Variants in CUX1 observed in about 807,000 individuals in gnomAD.
CUX1 encodes the protein protein CASP.
A neutral mutation model predicts 158.8 loss-of-function variants in CUX1; 31 were observed. The observed-to-expected ratio is 0.20, with a 90% confidence interval of 0.15 to 0.26. The LOEUF is 0.26. Ranked by LOEUF, CUX1 falls within the 10% of genes least tolerant of loss-of-function variation. CUX1 has a pLI of 1.00. For synonymous variants in CUX1, 879 were observed against 862.1 expected (o/e 1.02, Z -0.34); for missense variants, 1,589 against 2,014.6 (o/e 0.79, Z 4.04).
At chr7:102,092,956 G>A (rs1372169002) in intron 4 of CUX1, among the ~76,000 whole-genome samples, 1 of 148,770 alleles carries the variant, frequency 6.7e-6, no homozygotes, top group Non-Finnish European at 1.5e-5. Flanking sequence ...GAAAAAAAGA[G>A]CTCCTTTTCC....
chr7:102,222,005 T>A (rs1395420699), intron 20 of CUX1, among the ~76,000 whole-genome samples: 2 of 152,052 alleles, frequency 1.3e-5, no homozygotes, highest in African/African-American at 4.8e-5. Flanking sequence ...ATGCCTGTAA[T>A]CCCAGCACTT....
At chr7:102,218,997 G>A (rs1797524514) in intron 20 of CUX1, among the ~76,000 whole-genome samples, 1 of 149,850 alleles carries the variant, frequency 6.7e-6, no homozygotes, top group South Asian at 2.1e-4. Flanking sequence ...AGGCTGCAGT[G>A]AGCCAAGATT....
chr7:102,188,204 T>TA (rs35225944), intron 11 of CUX1, among the ~76,000 whole-genome samples: 45,067 of 147,158 alleles, frequency 0.31, 6,934 homozygotes, highest in Middle Eastern at 0.37. Flanking sequence ...GTCTCTTTTT[T>TA]AAAAAAAAAA....
At chr7:102,140,945 C>T (rs1243078048) in intron 8 of CUX1, among the ~76,000 whole-genome samples, 2 of 151,850 alleles carry the variant, frequency 1.3e-5, no homozygotes, top group African/African-American at 4.8e-5. Flanking sequence ...TGCAATTAAC[C>T]TTTCTATTTT....
intron 3 of CUX1, among the ~76,000 whole-genome samples, chr7:102,033,400 C>G (rs1314430276): frequency 6.6e-6 from 1 of 151,704 alleles, no homozygotes; most frequent in Non-Finnish European, 1.5e-5. Flanking sequence ...AAACAAAGAG[C>G]CAGGAGAGAA....
At chr7:102,047,401 A>T in intron 3 of CUX1, among the ~76,000 whole-genome samples, 1 of 150,130 alleles carries the variant, frequency 6.7e-6, no homozygotes, top group South Asian at 2.1e-4. Flanking sequence ...GGATGGATAG[A>T]TGATTGGATA....
At chr7:102,197,409 T>C in intron 15 of CUX1, 104 bp downstream of exon 15, 2 of 1,339,848 alleles carry the variant, frequency 1.5e-6, no homozygotes, top group Non-Finnish European at 1.0e-6. Context: ...GAAACATTTG[T>C]GCATCACATC....
At chr7:101,958,948 T>C (rs1194633357) in intron 2 of CUX1, among the ~76,000 whole-genome samples, 1 of 140,738 alleles carries the variant, frequency 7.1e-6, no homozygotes, top group East Asian at 2.3e-4. Flanking sequence ...TCGACCTCCC[T>C]GGCTTAAGCA....
chr7:101,972,436 C>T (rs1414796698), intron 2 of CUX1, among the ~76,000 whole-genome samples: 2 of 152,184 alleles, frequency 1.3e-5, no homozygotes, highest in African/African-American at 4.8e-5. Context: ...CTTGCCTCCT[C>T]GGACGGCATC....
intron 2 of CUX1, among the ~76,000 whole-genome samples, chr7:102,006,932 A>C (rs886821576): frequency 2.6e-5 from 4 of 152,246 alleles, no homozygotes; most frequent in African/African-American, 9.6e-5. Flanking sequence ...TGCTTCTTAG[A>C]TTTCCCACAC....
intron 3 of CUX1, among the ~76,000 whole-genome samples, chr7:102,032,501 T>C (rs549227864): frequency 2.6e-5 from 4 of 151,888 alleles, no homozygotes; most frequent in Admixed American, 6.6e-5. Flanking sequence ...CCCCGTCTAA[T>C]AGACTAAACA....
chr7:102,159,917 A>G (rs1343894272), intron 9 of CUX1, among the ~76,000 whole-genome samples: 5 of 152,026 alleles, frequency 3.3e-5, no homozygotes, highest in Middle Eastern at 6.8e-3. Flanking sequence ...GTAGTGGCTC[A>G]CGCCTGTAAT....
rs1752341933 is a variant in CUX1, at chr7:102,256,959, C to T, written c.*7917C>T. The T allele has an allele frequency of 3.0e-6, 3 of 985,290 alleles. No individual in the cohort carries two copies. The highest frequency in any genetic ancestry group is 1.2e-6 in the Non-Finnish European group (1 of 829,952). The allele number at this position is 985,290 out of a possible 1,614,324, so 61.0% of individuals were successfully genotyped here. A position where few individuals can be genotyped will look rare whatever the true frequency, so the allele number is the denominator to read the frequency against. On this transcript the variant is annotated 3_prime_UTR_variant, in exon 24 of 24. Coordinates refer to ENST00000292535, the MANE Select transcript of CUX1 (RefSeq NM_181552.4). ...TACCAGGCTGTGGCTTGAGGGCTCACCTAGGAGATCATAGGCAGAGGGCCC... is the reference window on the plus strand; with the variant it reads ...TACCAGGCTGTGGCTTGAGGGCTCATCTAGGAGATCATAGGCAGAGGGCCC...
chr7:102,227,687 C>A lies in CUX1; in HGVS notation c.3433+18C>A. 6.3e-7 allele frequency: 1 copy of A among 1,596,126 alleles called. No homozygotes were observed. Among genetic ancestry groups the A allele is most frequent in the South Asian group, 1.1e-5 (1 of 89,174 alleles). ...CAACCTCGGTAGGTTCTCCTCTCGG[C>A]TGCTGAGTCAGGAGGTGGCAGGGAG... is the stretch of plus-strand genomic sequence containing the variant. On this transcript the variant is annotated intron_variant, in intron 21 of 23. Coordinates refer to ENST00000292535, the MANE Select transcript of CUX1 (RefSeq NM_181552.4).
At chr7:101,949,535 C>CT (rs1040153555) in intron 2 of CUX1, among the ~76,000 whole-genome samples, 17 of 138,272 alleles carry the variant, frequency 1.2e-4, no homozygotes, top group African/African-American at 3.5e-4. Flanking sequence ...CTTTTTCTTC[C>CT]TTTTTTTTTC....
intron 8 of CUX1, among the ~76,000 whole-genome samples, chr7:102,142,252 G>T (rs1554500570): frequency 1.3e-5 from 2 of 152,178 alleles, no homozygotes; most frequent in Non-Finnish European, 2.9e-5. Flanking sequence ...TCTGTTGGAG[G>T]TACAGGCGGG....
intron 11 of CUX1, among the ~76,000 whole-genome samples, chr7:102,187,391 A>G (rs1227129916): frequency 6.6e-6 from 1 of 152,112 alleles, no homozygotes; most frequent in Non-Finnish European, 1.5e-5. Flanking sequence ...AGTTGCCAAC[A>G]TCTGAACTGG....
chr7:102,173,651 C>T (rs1377115238), intron 10 of CUX1, among the ~76,000 whole-genome samples: 3 of 152,160 alleles, frequency 2.0e-5, no homozygotes, highest in African/African-American at 7.2e-5. Context: ...TACACGGGGC[C>T]CCTGAGCTCA....
intron 1 of CUX1, among the ~76,000 whole-genome samples, chr7:101,901,022 C>G (rs987828390): frequency 6.6e-5 from 10 of 152,032 alleles, no homozygotes; most frequent in African/African-American, 2.4e-4. Context: ...CATAGTTTTC[C>G]AACGACCCTG....
Sources: gnomAD v4.1 joint callset for allele counts (sites outside exome capture counted in the v4.1 genomes callset) on GRCh38, gnomAD v4.1.1 for gene constraint, MANE v1.5 for transcripts, NCBI Gene and HGNC (gene_info 2026-07-23, HGNC 2026-07-21) for gene names.